Variants in HTT observed in about 807,000 individuals in gnomAD.
HTT encodes huntington disease protein.
A neutral mutation model predicts 362.3 loss-of-function variants in HTT; 104 were observed. The observed-to-expected ratio is 0.29, with a 90% CI of 0.24 to 0.34. The LOEUF (loss-of-function observed/expected upper bound fraction) is 0.34. Ranked by LOEUF, HTT falls within the 10% of genes least tolerant of loss-of-function variation. HTT has a pLI of 1.00. For missense variants in HTT, 3,301 were observed against 3,928.6 expected (o/e 0.84, Z 4.27); for synonymous variants, 1,577 against 1,548.7 (o/e 1.02, Z -0.43).
At chr4:3,134,611 G>A (rs1465808433) in intron 19 of HTT, 71 bp downstream of exon 19, 4 of 1,346,804 alleles carry the variant, frequency 3.0e-6, no homozygotes, top group Admixed American at 3.7e-5. Context: ...CTTGATGCAA[G>A]GAATGATGTT....
intron 41 of HTT, among the ~76,000 whole-genome samples, chr4:3,202,616 C>T (rs552387615): frequency 6.6e-6 from 1 of 152,294 alleles, no homozygotes; most frequent in East Asian, 1.9e-4. Context: ...GCTGTCACTT[C>T]AAACAGTTCC....
chr4:3,180,978 G>A (rs887010179), intron 36 of HTT, among the ~76,000 whole-genome samples: 18 of 151,880 alleles, frequency 1.2e-4, no homozygotes, highest in African/African-American at 3.9e-4. Flanking sequence ...CCGGGTTTAA[G>A]CAATTCTCCT....
intron 57 of HTT, among the ~76,000 whole-genome samples, chr4:3,226,379 G>A (rs1720916517): frequency 6.6e-6 from 1 of 152,200 alleles, no homozygotes; most frequent in South Asian, 2.1e-4. Context: ...GCTGAGGCAG[G>A]AGGCTTACCT....
rs774378512 is a variant in HTT, at chr4:3,127,526, G to C, written c.1665G>C (p.Ser555=). 1.2e-5 allele frequency: 20 copies of C among 1,614,058 alleles called. No homozygotes were observed. Among genetic ancestry groups the C allele is most frequent in the Non-Finnish European group, 1.7e-5 (20 of 1,180,020 alleles). The change falls in exon 12 of 67, where the codon TCG becomes TCC. Residue 555 remains serine, a synonymous_variant. Transcript: ENST00000355072. ...AMDLNDGTQA[S]SPISDSSQTT... ...ACCTGAATGATGGGACCCAGGCCTC[G>C]TCGCCCATCAGCGACAGCTCCCAGA...
intron 26 of HTT, among the ~76,000 whole-genome samples, chr4:3,151,122 C>G (rs564768892): frequency 1.3e-4 from 20 of 151,460 alleles, no homozygotes; most frequent in African/African-American, 4.8e-4. Flanking sequence ...TCTATCTCCT[C>G]TCAGGCCAGT....
chr4:3,200,192 A>G (rs1352301340), intron 41 of HTT, among the ~76,000 whole-genome samples: 1 of 152,202 alleles, frequency 6.6e-6, no homozygotes, highest in Non-Finnish European at 1.5e-5. Context: ...GTTCTTTGAC[A>G]CCATTGCATC....
At chr4:3,231,841 C>T (rs769334647) in intron 60 of HTT, among the ~76,000 whole-genome samples, 3 of 152,190 alleles carry the variant, frequency 2.0e-5, no homozygotes, top group Admixed American at 6.5e-5. Flanking sequence ...CCAGATCCCC[C>T]TAGGCAAGTG....
chr4:3,172,424 T>C (rs1718033539), intron 30 of HTT, 27 bp downstream of exon 30: 1 of 1,474,546 alleles, frequency 6.8e-7, no homozygotes, highest in African/African-American at 1.4e-5. Context: ...TTTCCTCTTC[T>C]GTTAAGACGT....
chr4:3,220,769 A>G (rs528107731), intron 53 of HTT, among the ~76,000 whole-genome samples: 55 of 152,226 alleles, frequency 3.6e-4, no homozygotes, highest in Non-Finnish European at 6.9e-4. Context: ...CAGAGCCTAG[A>G]GGCAGCATGG....
intron 6 of HTT, among the ~76,000 whole-genome samples, chr4:3,114,119 G>A (rs895744021): frequency 5.9e-5 from 9 of 152,332 alleles, no homozygotes; most frequent in Non-Finnish European, 1.0e-4. Context: ...TATGGGAAAC[G>A]AGGGGATGGG....
At chr4:3,080,954 G>T (rs962784336) in intron 1 of HTT, among the ~76,000 whole-genome samples, 1 of 152,122 alleles carries the variant, frequency 6.6e-6, no homozygotes, top group Admixed American at 6.5e-5. Flanking sequence ...TCTTTATGTC[G>T]ATCCTGTGCC....
In HTT at chr4:3,220,226, C is replaced by G; in HGVS notation, c.7287C>G (p.Gly2429=). The G allele has an allele frequency of 6.2e-7, 1 of 1,614,076 alleles. No homozygotes were observed. The highest frequency in any genetic ancestry group is 1.6e-4 in the Middle Eastern group (1 of 6,062). The change falls in exon 53 of 67, where the codon GGC becomes GGG. Residue 2429 remains glycine, a synonymous_variant. Transcript: ENST00000355072. Reference sequence around the variant, plus strand: ...CACCCAAACCGGGAGGGGATTTTGGCACAGCATTCCCTGAGATCCCCGTGG... The same window carrying G: ...CACCCAAACCGGGAGGGGATTTTGGGACAGCATTCCCTGAGATCCCCGTGG... ...GWSPKPGGDF[G]TAFPEIPVEF... is the part of the protein sequence containing the mutation.
chr4:3,201,447 T>A (rs1719524967), intron 41 of HTT, among the ~76,000 whole-genome samples: 1 of 150,732 alleles, frequency 6.6e-6, no homozygotes, highest in Non-Finnish European at 1.5e-5. Flanking sequence ...GGAGAATCGC[T>A]TGAACCTAGG....
intron 6 of HTT, among the ~76,000 whole-genome samples, chr4:3,111,433 A>G (rs558811667): frequency 9.9e-5 from 15 of 152,116 alleles, no homozygotes; most frequent in Non-Finnish European, 2.2e-4. Flanking sequence ...ACCTCAGGTG[A>G]TCCGCCTGCC....
At chr4:3,125,471 A>G in intron 10 of HTT, 78 bp from the exon 11 acceptor site, 1 of 861,460 alleles carries the variant, frequency 1.2e-6, no homozygotes, top group South Asian at 1.4e-5. Flanking sequence ...TATGAGTTTC[A>G]TTTTAGAGTG....
intron 26 of HTT, among the ~76,000 whole-genome samples, chr4:3,152,033 T>C (rs888889009): frequency 6.6e-6 from 1 of 152,162 alleles, no homozygotes; most frequent in South Asian, 2.1e-4. Context: ...GCTCAAGTGA[T>C]CCTTCTGCCT....
chr4:3,123,200 G>C, intron 10 of HTT: 1 of 338,378 alleles, frequency 3.0e-6, no homozygotes, highest in Non-Finnish European at 5.3e-6. Context: ...TAATGTTCGG[G>C]GTCAGCAGAC....
At chr4:3,169,807 C>T (rs1433673654) in intron 29 of HTT, among the ~76,000 whole-genome samples, 1 of 152,234 alleles carries the variant, frequency 6.6e-6, no homozygotes, top group Non-Finnish European at 1.5e-5. Flanking sequence ...CTCCTGACCT[C>T]AGGTGATTCA....
chr4:3,151,747 C>G (rs936762404), intron 26 of HTT, among the ~76,000 whole-genome samples: 1 of 152,094 alleles, frequency 6.6e-6, no homozygotes, highest in Admixed American at 6.5e-5. Flanking sequence ...TCCACAGAAC[C>G]GGTCCCTGGT....
Sources: allele counts gnomAD v4.1 joint callset (sites outside exome capture counted in the v4.1 genomes callset), GRCh38; gene constraint gnomAD v4.1.1; transcripts MANE v1.5; gene names NCBI Gene and HGNC (gene_info 2026-07-23, HGNC 2026-07-21).